The following EIF4G3 variants were observed in gnomAD, a reference collection of about 807,000 sequenced individuals.
The protein encoded by EIF4G3 is eukaryotic translation initiation factor 4 gamma 3.
EIF4G3 carries 34 observed loss-of-function variants against 186.4 expected under a neutral mutation model. That is an observed-to-expected ratio of 0.18 (90% confidence interval 0.14 to 0.24). The LOEUF (loss-of-function observed/expected upper bound fraction) is 0.24. Among genes scored for constraint, EIF4G3 ranks in the 10% least tolerant of loss-of-function variants. The probability of loss-of-function intolerance (pLI) is 1.00; values close to 1 mark genes in which losing one functional copy is unlikely to be tolerated. For synonymous variants in EIF4G3, 673 were observed against 679.5 expected (o/e 0.99, Z 0.15); for missense variants, 1,536 against 1,948.5 (o/e 0.79, Z 3.99).
chr1:21,111,169 G>A (rs550955510), intron 2 of EIF4G3, among the ~76,000 whole-genome samples: 141 of 152,284 alleles, frequency 9.3e-4, no homozygotes, highest in Non-Finnish European at 1.6e-3. Context: ...TGTAAACACA[G>A]GATACATTTC....
At chr1:20,962,909 T>G (rs72652981) in intron 12 of EIF4G3, among the ~76,000 whole-genome samples, 3,968 of 56,024 alleles carry the variant, frequency 0.071, 107 homozygotes, top group Middle Eastern at 0.23. Flanking sequence ...TGTAGTTTTG[T>G]TTTTTTTTTG....
intron 14 of EIF4G3, among the ~76,000 whole-genome samples, chr1:20,932,345 G>A (rs1206857706): frequency 6.6e-6 from 1 of 152,124 alleles, no homozygotes; most frequent in Non-Finnish European, 1.5e-5. Context: ...TTTTGCTTTT[G>A]TATCATTTGT....
chr1:21,038,327 C>A (rs913290516), intron 4 of EIF4G3, among the ~76,000 whole-genome samples: 2 of 152,222 alleles, frequency 1.3e-5, no homozygotes, highest in Non-Finnish European at 2.9e-5. Flanking sequence ...TAAAGAGATG[C>A]TGTTGGTTCA....
chr1:21,007,513 C>T (rs1218986994), intron 4 of EIF4G3, among the ~76,000 whole-genome samples: 1 of 6,952 alleles, frequency 1.4e-4, no homozygotes, highest in Non-Finnish European at 1.1e-3. Context: ...TGGGCCCCTC[C>T]TTAAAAAAAA....
At chr1:20,925,861 T>C (rs1454312239) in intron 14 of EIF4G3, among the ~76,000 whole-genome samples, 1 of 152,172 alleles carries the variant, frequency 6.6e-6, no homozygotes, top group Non-Finnish European at 1.5e-5. Flanking sequence ...CTGCATTAAG[T>C]ATTAAGGTGA....
At position 20,899,782 on chromosome 1, in the gene EIF4G3, C is replaced by G. The variant is rs1294059372; in HGVS notation, c.1914G>C (p.Glu638Asp). 6.2e-7 allele frequency: 1 copy of G among 1,614,156 alleles called. No individual in the cohort carries two copies. Among genetic ancestry groups the G allele is most frequent in the South Asian group, 1.1e-5 (1 of 91,084 alleles). ...CTATTCCTTCACCCTCAGAAACACT[C>G]TCAGCACCATTACGTACTGGCTCAG... ...EEAEPVRNGAESVSEGEGIDA... is the reference protein window; with the variant it reads ...EEAEPVRNGADSVSEGEGIDA... Residue 638 changes from glutamate to aspartate, a missense_variant, in exon 16 of 37, where the codon GAG becomes GAC. Coordinates refer to ENST00000602326, the MANE Select transcript of EIF4G3 (RefSeq NM_001391906.1).
intron 18 of EIF4G3, among the ~76,000 whole-genome samples, chr1:20,887,536 C>G (rs144282516): frequency 5.3e-5 from 8 of 152,074 alleles, no homozygotes; most frequent in African/African-American, 1.4e-4. Context: ...ATGGTAGTAT[C>G]AAGAATGCAT....
At chr1:20,930,531 T>G (rs1214923031) in intron 14 of EIF4G3, among the ~76,000 whole-genome samples, 1 of 152,212 alleles carries the variant, frequency 6.6e-6, no homozygotes, top group Non-Finnish European at 1.5e-5. Flanking sequence ...ATCATGAGAT[T>G]GCAGTAACTG....
chr1:21,154,859 T>C (rs2097614389), intron 2 of EIF4G3, among the ~76,000 whole-genome samples: 1 of 152,228 alleles, frequency 6.6e-6, no homozygotes, highest in African/African-American at 2.4e-5. Flanking sequence ...TCTCATTATT[T>C]GAGTATTGAA....
intron 3 of EIF4G3, among the ~76,000 whole-genome samples, chr1:21,054,139 G>T (rs915930798): frequency 9.2e-5 from 14 of 151,910 alleles, no homozygotes; most frequent in Admixed American, 9.2e-4. Flanking sequence ...AAATTCTTCT[G>T]CCTTGGGATC....
chr1:21,007,922 G>T (rs1038749957), intron 4 of EIF4G3, among the ~76,000 whole-genome samples: 2 of 152,212 alleles, frequency 1.3e-5, no homozygotes, highest in African/African-American at 4.8e-5. Context: ...CCAATGTTCA[G>T]TAGGATTATT....
At chr1:20,893,495 G>C in intron 18 of EIF4G3, 22 bp downstream of exon 18, 1 of 1,580,562 alleles carries the variant, frequency 6.3e-7, no homozygotes, top group Non-Finnish European at 8.7e-7. Flanking sequence ...AACTAAGTGA[G>C]TTGTAGGGAA....
At chr1:21,062,344 G>A (rs757930496) in intron 3 of EIF4G3, among the ~76,000 whole-genome samples, 3 of 152,040 alleles carry the variant, frequency 2.0e-5, no homozygotes, top group Non-Finnish European at 4.4e-5. Flanking sequence ...ACAGGCATGA[G>A]CCACTACTCC....
chr1:20,876,371 T>C (rs1172592548), intron 20 of EIF4G3, among the ~76,000 whole-genome samples: 1 of 149,374 alleles, frequency 6.7e-6, no homozygotes, highest in Non-Finnish European at 1.5e-5. Context: ...TGAAATATTA[T>C]GCAATTAGTA....
chr1:21,077,999 C>G (rs1034308076), intron 3 of EIF4G3, among the ~76,000 whole-genome samples: 2 of 151,870 alleles, frequency 1.3e-5, no homozygotes, highest in Non-Finnish European at 2.9e-5. Flanking sequence ...TATAAAGGTT[C>G]GTGAAAAAAC....
At chr1:21,086,902 G>A (rs1176811274) in intron 3 of EIF4G3, among the ~76,000 whole-genome samples, 1 of 148,220 alleles carries the variant, frequency 6.7e-6, no homozygotes, top group African/African-American at 2.5e-5. Flanking sequence ...TCGAGCCACG[G>A]CACTCCAGCC....
chr1:21,059,644 T>G (rs2094779580), intron 3 of EIF4G3, among the ~76,000 whole-genome samples: 1 of 152,192 alleles, frequency 6.6e-6, no homozygotes, highest in Non-Finnish European at 1.5e-5. Flanking sequence ...TTTACAGATA[T>G]TCAAGTATAT....
intron 3 of EIF4G3, among the ~76,000 whole-genome samples, 188 bp downstream of exon 3, chr1:21,088,950 C>T (rs899228137): frequency 1.1e-4 from 16 of 152,166 alleles, no homozygotes; most frequent in African/African-American, 3.9e-4. Context: ...TATCTTAACA[C>T]AGTATTTGTT....
At chr1:21,090,793 T>A (rs894879055) in intron 2 of EIF4G3, among the ~76,000 whole-genome samples, 4 of 152,204 alleles carry the variant, frequency 2.6e-5, no homozygotes, top group Non-Finnish European at 4.4e-5. Context: ...AGTGAAAGAC[T>A]CAAGTTATCA....
Sources: allele counts gnomAD v4.1 joint callset (sites outside exome capture counted in the v4.1 genomes callset), GRCh38; gene constraint gnomAD v4.1.1; transcripts MANE v1.5; gene names NCBI Gene and HGNC (gene_info 2026-07-23, HGNC 2026-07-21).